Variants in CCS observed in about 807,000 individuals in gnomAD.
The protein encoded by CCS is copper chaperone for superoxide dismutase, also known as superoxide dismutase copper chaperone.
A neutral mutation model predicts 35.5 loss-of-function variants in CCS; 32 were observed. The ratio of observed to expected loss-of-function variants is 0.90; its 90% CI spans 0.68 to 1.21. CCS has a LOEUF of 1.21. Among genes scored for constraint, CCS ranks in the 50% most tolerant of loss-of-function variants. The pLI is 0.00. For missense variants in CCS, 342 were observed against 375.4 expected (o/e 0.91, Z 0.73); for synonymous variants, 130 against 147.2 (o/e 0.88, Z 0.84).
At position 66,601,058 on chromosome 11, in the gene CCS, A is replaced by G. The variant is rs989072659; in HGVS notation, c.489+509A>G. Among the ~76,000 whole-genome samples the G allele has an allele frequency of 9.2e-5, 14 of 152,254 alleles. 1 individual carries two copies. The highest frequency in any genetic ancestry group is 7.8e-4 in the Admixed American group (12 of 15,290). On this transcript the variant is annotated intron_variant, in intron 5 of 7. Coordinates refer to ENST00000533244, the MANE Select transcript of CCS (RefSeq NM_005125.2). ...TTAATGATTTTTGCCTTATCTGAGT[A>G]CTAGTTGTATTTTTAGTTACTCAAT...
chr11:66,598,327 C>T (rs748946153), intron 2 of CCS, among the ~76,000 whole-genome samples: 2 of 150,388 alleles, frequency 1.3e-5, no homozygotes, highest in African/African-American at 4.9e-5. Context: ...CATGGTGAAA[C>T]CCCATGTCTA....
In CCS at chr11:66,600,531, C is replaced by G. The variant is rs1410596348; in HGVS notation, c.471C>G (p.Gly157=). 1 of 1,524,364 alleles carries G rather than the reference C, an allele frequency of 6.6e-7. No individual in the cohort carries two copies. Among genetic ancestry groups the G allele is most frequent in the Admixed American group, 2.0e-5 (1 of 50,992 alleles). The allele number at this position is 1,524,364 out of a possible 1,614,324, so 94.4% of individuals were successfully genotyped here. ...HFNPDGASHG[G]PQDSDRHRGD... ...ACCCTGATGGAGCATCTCATGGGGG[C>G]CCCCAGGACTCTGACCGGGTAAGTG... is the stretch of plus-strand genomic sequence containing the variant. The change falls in exon 5 of 8, where the codon GGC becomes GGG. Residue 157 remains glycine (G), a synonymous_variant. Transcript: ENST00000533244.
chr11:66,598,296 G>A (rs1858512452), intron 2 of CCS, among the ~76,000 whole-genome samples: 1 of 151,512 alleles, frequency 6.6e-6, no homozygotes, highest in Non-Finnish European at 1.5e-5. Flanking sequence ...GAGGTCAGGA[G>A]TTCGAGAGCA....
Position 66,599,195 on chromosome 11 carries a change from T to G in CCS, c.192T>G (p.Ala64=). The stretch of plus-strand genomic sequence containing the variant: ...CTCTACCCAGCCAGGAGGTGCAGGC[T>G]CTCCTGGAAGGCACGGGGCGGCAGG... The part of the protein sequence containing the change: ...HTTLPSQEVQ[A]LLEGTGRQAV... Residue 64 remains alanine (A), a synonymous_variant, in exon 3 of 8, where the codon GCT becomes GCG. Transcript: ENST00000533244. The G allele has an allele frequency of 6.2e-7, 1 of 1,613,554 alleles. No individual in the cohort carries two copies. Among genetic ancestry groups the G allele is most frequent in the Non-Finnish European group, 8.5e-7 (1 of 1,179,870 alleles).
Position 66,593,648 on chromosome 11 carries a change from T to C in CCS, c.46T>C (p.Phe16Leu). Residue 16 changes from phenylalanine to leucine, a missense_variant, in exon 2 of 8, where the codon TTC becomes CTC. Physicochemically the swap from Phe to Leu is conservative, Grantham distance 22. Coordinates refer to ENST00000533244, the MANE Select transcript of CCS (RefSeq NM_005125.2). ...GTCCCTGCCGCCCTTGCAGTTGGAG[T>C]TCGCGGTGCAGATGACCTGTCAGAG... ...GNQGTLCTLE[F>L]AVQMTCQSCV... 6.2e-7 allele frequency: 1 copy of C among 1,613,694 alleles called. No homozygotes were observed. Among genetic ancestry groups the C allele is most frequent in the Non-Finnish European group, 8.5e-7 (1 of 1,179,956 alleles).
chr11:66,593,342 G>GC, intron 1 of CCS, 42 bp downstream of exon 1: 1 of 1,482,340 alleles, frequency 6.7e-7, no homozygotes, highest in South Asian at 1.3e-5. Flanking sequence ...CGGGCAGAGA[G>GC]CCTCGGCCCC....
chr11:66,593,294 C>G lies in CCS; in HGVS notation c.33C>G (p.Leu11=). 6.4e-7 allele frequency: 1 copy of G among 1,551,142 alleles called. No individual in the cohort carries two copies. The highest frequency in any genetic ancestry group is 8.7e-7 in the Non-Finnish European group (1 of 1,148,446). MASDSGNQGT[L]CTLEFAVQMT... ...CGGATTCGGGGAACCAGGGGACCCT[C>G]TGCACGGTGAGGGTCGAGGCTTCGT... Residue 11 remains leucine, a synonymous_variant, in exon 1 of 8, where the codon CTC becomes CTG. Coordinates refer to ENST00000533244, the MANE Select transcript of CCS (RefSeq NM_005125.2).
intron 5 of CCS, among the ~76,000 whole-genome samples, chr11:66,603,863 C>T (rs2134985398): frequency 6.7e-6 from 1 of 149,198 alleles, no homozygotes; most frequent in Non-Finnish European, 1.5e-5. Flanking sequence ...CAAAACAAAA[C>T]AAAACAAAAC....
intron 2 of CCS, among the ~76,000 whole-genome samples, chr11:66,596,660 A>C (rs1364805721): frequency 6.6e-6 from 1 of 152,108 alleles, no homozygotes; most frequent in Non-Finnish European, 1.5e-5. Flanking sequence ...GATTACAGGC[A>C]TGAGCCACCG....
At chr11:66,604,556 A>G (rs1421683806) in intron 5 of CCS, among the ~76,000 whole-genome samples, 1 of 152,124 alleles carries the variant, frequency 6.6e-6, no homozygotes, top group Non-Finnish European at 1.5e-5. Context: ...CTCACTAGTA[A>G]GGCCTTGTCA....
At position 66,605,568 on chromosome 11, in the gene CCS, A is replaced by G. The variant is rs1162473097; in HGVS notation, c.647A>G (p.Lys216Arg). The change falls in exon 7 of 8, where the codon AAG becomes AGG. Residue 216 changes from lysine to arginine, a missense_variant. Lys to Arg is a conservative substitution (Grantham distance 26). Coordinates refer to ENST00000533244, the MANE Select transcript of CCS (RefSeq NM_005125.2). ...GGCCGGGGAGGCCATCCCTTATCCAAGATCACAGGGAACTCCGGGGAGAGG... is the reference window on the plus strand; with the variant it reads ...GGCCGGGGAGGCCATCCCTTATCCAGGATCACAGGGAACTCCGGGGAGAGG... The part of the protein sequence containing the change: ...DLGRGGHPLS[K>R]ITGNSGERLA... The G allele has an allele frequency of 1.9e-6, 3 of 1,613,972 alleles. No individual in the cohort carries two copies. The highest frequency in any genetic ancestry group is 1.1e-5 in the South Asian group (1 of 91,006).
At chr11:66,605,306 C>T (rs1337239806) in intron 5 of CCS, 33 bp from the exon 6 acceptor site, 5 of 1,613,496 alleles carry the variant, frequency 3.1e-6, no homozygotes, top group Admixed American at 1.7e-5. Context: ...ACGTGGCACA[C>T]ATCCCCTATA....
chr11:66,605,587 G>A lies in CCS; in HGVS notation c.666G>A (p.Gly222=). 1 of 1,613,424 alleles carries A rather than the reference G, an allele frequency of 6.2e-7. No homozygotes were observed. The highest frequency in any genetic ancestry group is 8.5e-7 in the Non-Finnish European group (1 of 1,179,702). ...TATCCAAGATCACAGGGAACTCCGG[G>A]GAGAGGTGAGTGGTGTCGGCCCCTG... ...HPLSKITGNS[G]ERLACGIIAR... The change falls in exon 7 of 8, where the codon GGG becomes GGA. Residue 222 remains glycine (G), a synonymous_variant. Coordinates refer to ENST00000533244, the MANE Select transcript of CCS (RefSeq NM_005125.2).
intron 5 of CCS, among the ~76,000 whole-genome samples, chr11:66,604,800 T>C (rs1482448820): frequency 1.3e-5 from 2 of 152,226 alleles, no homozygotes; most frequent in Admixed American, 1.3e-4. Flanking sequence ...GACAGGCCCT[T>C]TGCCCCTTGC....
At chr11:66,600,428 G>A (rs1335178207) in intron 4 of CCS, 61 bp from the exon 5 acceptor site, 2 of 939,796 alleles carry the variant, frequency 2.1e-6, no homozygotes, top group East Asian at 2.8e-5. Flanking sequence ...AAATAGATGA[G>A]AGGGTAGAGC....
intron 5 of CCS, 159 bp from the exon 6 acceptor site, chr11:66,605,180 C>G: frequency 1.3e-6 from 2 of 1,538,996 alleles, no homozygotes; most frequent in Non-Finnish European, 1.7e-6. Context: ...CTTGCCTGCC[C>G]AGTCCTTGGG....
chr11:66,602,354 T>C (rs889831193), intron 5 of CCS, among the ~76,000 whole-genome samples: 1 of 152,158 alleles, frequency 6.6e-6, no homozygotes, highest in African/African-American at 2.4e-5. Context: ...CAGGTCCTCC[T>C]TGGCTGTTGG....
At chr11:66,596,701 A>G (rs531568251) in intron 2 of CCS, among the ~76,000 whole-genome samples, 8 of 152,180 alleles carry the variant, frequency 5.3e-5, no homozygotes, top group African/African-American at 1.7e-4. Context: ...TTTGAACTTG[A>G]CCCTTGTGGA....
rs1251401041 is a variant in CCS at position 66,593,217 on chromosome 11, T to C, written c.-45T>C. On this transcript the variant is annotated 5_prime_UTR_variant, in exon 1 of 8. Coordinates refer to ENST00000533244, the MANE Select transcript of CCS (RefSeq NM_005125.2). Reference sequence around the variant, plus strand: ...GCGACGCCGCGCTGGTTGGTGCTCCTGCGCCGGAGGAGTTCTGCGTCTCGG... The same window carrying C: ...GCGACGCCGCGCTGGTTGGTGCTCCCGCGCCGGAGGAGTTCTGCGTCTCGG... The C allele has an allele frequency of 5.8e-6, 9 of 1,550,376 alleles. No homozygotes were observed. Among genetic ancestry groups the C allele is most frequent in the Non-Finnish European group, 7.8e-6 (9 of 1,146,716 alleles).
Sources: allele counts gnomAD v4.1 joint callset (sites outside exome capture counted in the v4.1 genomes callset), GRCh38; gene constraint gnomAD v4.1.1; transcripts MANE v1.5; gene names NCBI Gene and HGNC (gene_info 2026-07-23, HGNC 2026-07-21).